Variants in STARD8 observed in about 807,000 individuals in gnomAD.
STARD8 encodes stAR-related lipid transfer protein 8.
In STARD8, 25 loss-of-function variants were observed where a neutral mutation model predicts 69.4. The observed-to-expected ratio is 0.36, with a 90% CI of 0.26 to 0.50. The LOEUF is 0.50. Among genes scored for constraint, STARD8 ranks in the 20% least tolerant of loss-of-function variants. The pLI, the probability that STARD8 is intolerant of heterozygous loss-of-function variation, is 0.96. For synonymous variants in STARD8, 389 were observed against 374.6 expected (o/e 1.04, Z -0.45); for missense variants, 921 against 932.5 (o/e 0.99, Z 0.16).
In STARD8 at chrX:68,718,342, A is replaced by G. The variant is rs2080115128; in HGVS notation, c.1428A>G (p.Pro476=). Residue 476 remains proline, a synonymous_variant, in exon 6 of 15, where the codon CCA becomes CCG. Transcript: ENST00000374599. The stretch of plus-strand genomic sequence containing the variant: ...CTCAGGCTCCAGCTGAGGCTGAACC[A>G]GTGGCACAGGAAGAGGCTGAGGCCC... The part of the protein sequence containing the change: ...APAQAPAEAE[P]VAQEEAEAPA... 1 of 1,207,718 alleles carries G rather than the reference A, an allele frequency of 8.3e-7. No homozygotes were observed. The highest frequency in any genetic ancestry group is 2.2e-5 in the Admixed American group (1 of 45,817).
intron 9 of STARD8, 23 bp from the exon 10 acceptor site, chrX:68,721,513 C>T (rs771775924): frequency 1.7e-6 from 2 of 1,203,542 alleles, no homozygotes; most frequent in Non-Finnish European, 2.2e-6. Context: ...AAGGAAGGCT[C>T]TTCTTCCATT....
intron 2 of STARD8, among the ~76,000 whole-genome samples, chrX:68,697,240 G>T (rs1418426725): frequency 1.8e-5 from 2 of 112,129 alleles, no homozygotes; most frequent in Non-Finnish European, 3.8e-5. Context: ...GGACTTATTT[G>T]CCCTGGACGT....
At chrX:68,701,410 C>T (rs763869036) in intron 2 of STARD8, among the ~76,000 whole-genome samples, 134 of 112,928 alleles carry the variant, frequency 1.2e-3, no homozygotes, top group Admixed American at 3.2e-3. Flanking sequence ...CCATGCCTCT[C>T]TCCAGATGCC....
chrX:68,693,199 T>C (rs1314164164), intron 2 of STARD8, among the ~76,000 whole-genome samples: 3 of 112,813 alleles, frequency 2.7e-5, no homozygotes, highest in Non-Finnish European at 5.6e-5. Flanking sequence ...CTGAGCAACG[T>C]AGGGATGGCA....
At chrX:68,695,407 A>G (rs1416422382) in intron 2 of STARD8, among the ~76,000 whole-genome samples, 4 of 110,867 alleles carry the variant, frequency 3.6e-5, no homozygotes, top group Non-Finnish European at 7.6e-5. Context: ...TGGACTTTGG[A>G]TTTTGGATTT....
In STARD8 at chrX:68,681,665, A is replaced by G. The variant is rs186070473; in HGVS notation, c.79+16133A>G. On this transcript the variant is annotated intron_variant, in intron 2 of 14. Transcript: ENST00000374599. ...GCAGGCTTGCAGCCTTTGAAGGGGA[A>G]ACAGAGAAGCCAATGAGCTCAGTTC... Among the ~76,000 whole-genome samples, 417 of 112,563 alleles carry G rather than the reference A, an allele frequency of 3.7e-3. 1 individual carries two copies. The highest frequency in any genetic ancestry group is 4.7e-3 in the Middle Eastern group (1 of 215).
At chrX:68,647,959 C>T (rs2079525418) in intron 1 of STARD8, 32 bp downstream of exon 1, 1 of 1,187,824 alleles carries the variant, frequency 8.4e-7, no homozygotes, top group Admixed American at 2.4e-5. Flanking sequence ...GCCCATCCCG[C>T]TGCTCAGGGG....
intron 1 of STARD8, among the ~76,000 whole-genome samples, chrX:68,653,294 A>C (rs1274409348): frequency 4.7e-4 from 18 of 37,999 alleles, no homozygotes; most frequent in Admixed American, 6.8e-4. Context: ...CACACCACAC[A>C]CCACACACAC....
chrX:68,675,384 A>G (rs2079759180), intron 2 of STARD8, among the ~76,000 whole-genome samples: 1 of 111,717 alleles, frequency 9.0e-6, no homozygotes, highest in Non-Finnish European at 1.9e-5. Context: ...ATGAGCCACC[A>G]TGCCTTGCCC....
chrX:68,672,714 C>T (rs2079736505), intron 2 of STARD8, among the ~76,000 whole-genome samples: 1 of 97,996 alleles, frequency 1.0e-5, no homozygotes, highest in Non-Finnish European at 1.9e-5. Context: ...TCAAACAGCG[C>T]CCCACCCCCC....
Position 68,718,036 on chromosome X carries a change from A to G in STARD8, c.1122A>G (p.Glu374=). 1 of 1,210,786 alleles carries G rather than the reference A, an allele frequency of 8.3e-7. No individual in the cohort carries two copies. The highest frequency in any genetic ancestry group is 1.1e-6 in the Non-Finnish European group (1 of 895,066). ...CTGTAATGGTTGGGGCTGAGGCTGA[A>G]GATGAAGATGATGAGGAGAGTGGGG... ...AEPVMVGAEA[E]DEDDEESGGS... The change falls in exon 6 of 15, where the codon GAA becomes GAG. Residue 374 remains glutamate, a synonymous_variant. Transcript: ENST00000374599.
intron 2 of STARD8, among the ~76,000 whole-genome samples, chrX:68,697,436 A>G (rs765388987): frequency 1.4e-4 from 16 of 111,625 alleles, no homozygotes; most frequent in Non-Finnish European, 2.3e-4. Context: ...TCTTGCGGAG[A>G]CTTCCTGCCT....
chrX:68,719,095 T>C, intron 6 of STARD8, 130 bp from the exon 7 acceptor site: 3 of 848,398 alleles, frequency 3.5e-6, no homozygotes, highest in Non-Finnish European at 3.2e-6. Flanking sequence ...GCAGCAGCAC[T>C]AGAAAGTGTT....
chrX:68,712,832 G>GT lies in STARD8; in HGVS notation c.80-82_80-81insT. 6.5e-6 allele frequency: 6 copies of GT among 926,743 alleles called. No individual in the cohort carries two copies. The South Asian group carries it at 1.3e-4, about 21-fold the overall frequency. 76.4% of individuals were successfully genotyped at this position (926,743 alleles called of 1,213,427 possible). On this transcript the variant is annotated intron_variant, in intron 2 of 14. Coordinates refer to ENST00000374599, the MANE Select transcript of STARD8 (RefSeq NM_001142503.3). ...GAGACATGTCTGCCTGCTGGGGTTG[G>GT]GCAGCATGCACCTAGGGCCCTGGTG...
chrX:68,678,864 G>A (rs2079783435), intron 2 of STARD8, among the ~76,000 whole-genome samples: 1 of 112,423 alleles, frequency 8.9e-6, no homozygotes. Context: ...GATTAAGAAT[G>A]AGAGTGCTGG....
chrX:68,690,366 G>C (rs2079867335), intron 2 of STARD8, among the ~76,000 whole-genome samples: 1 of 108,976 alleles, frequency 9.2e-6, no homozygotes, highest in Non-Finnish European at 1.9e-5. Context: ...TATTAACCTA[G>C]CCATTCCAGA....
At chrX:68,712,362 T>C (rs1487991578) in intron 2 of STARD8, among the ~76,000 whole-genome samples, 1 of 112,637 alleles carries the variant, frequency 8.9e-6, no homozygotes, top group Admixed American at 9.3e-5. Flanking sequence ...TGTTTGTTTG[T>C]CTGTAAAATG....
intron 2 of STARD8, among the ~76,000 whole-genome samples, chrX:68,667,635 G>A (rs994182195): frequency 4.5e-5 from 5 of 110,913 alleles, no homozygotes; most frequent in African/African-American, 1.6e-4. Flanking sequence ...CTTGGCCCTC[G>A]ATGAGTTTAG....
chrX:68,669,848 G>A (rs186379486), intron 2 of STARD8, among the ~76,000 whole-genome samples: 276 of 112,331 alleles, frequency 2.5e-3, no homozygotes, highest in African/African-American at 7.4e-3. Context: ...CACCTCCAAG[G>A]CTCACAAGGG....
Sources: allele counts gnomAD v4.1 joint callset (sites outside exome capture counted in the v4.1 genomes callset), GRCh38; gene constraint gnomAD v4.1.1; transcripts MANE v1.5; gene names NCBI Gene and HGNC (gene_info 2026-07-23, HGNC 2026-07-21).